AKAP9: variants seen among roughly 807,000 people sequenced by gnomAD.
AKAP9 encodes A-kinase anchor protein 9.
Under a neutral mutation model 488.5 loss-of-function variants are expected in AKAP9, and 311 were observed. The observed-to-expected ratio is 0.64, with a 90% CI of 0.58 to 0.70. AKAP9 has a LOEUF of 0.70. Among genes scored for constraint, AKAP9 ranks in the 30% least tolerant of loss-of-function variants. The pLI is 0.00. For synonymous variants in AKAP9, 1,462 were observed against 1,483.5 expected, an observed-to-expected ratio of 0.99 and a Z score of 0.33; for missense variants, 4,215 against 4,374.5, an observed-to-expected ratio of 0.96 and a Z score of 1.03.
At chr7:92,084,980 T>C (rs1563116396) in intron 35 of AKAP9, 40 bp downstream of exon 35, 1 of 1,605,716 alleles carries the variant, frequency 6.2e-7, no homozygotes, top group Non-Finnish European at 8.5e-7. Flanking sequence ...TCAGCCAGTG[T>C]TGTTTCTATG....
intron 29 of AKAP9, among the ~76,000 whole-genome samples, chr7:92,077,379 C>CCA (rs1277865423): frequency 6.6e-6 from 1 of 152,110 alleles, no homozygotes; most frequent in African/African-American, 2.4e-5. Flanking sequence ...GCGTGAGCCA[C>CCA]CACACCTGGC....
intron 8 of AKAP9, among the ~76,000 whole-genome samples, chr7:92,008,280 T>C (rs1488986151): frequency 2.6e-5 from 4 of 152,112 alleles, no homozygotes; most frequent in East Asian, 1.9e-4. Flanking sequence ...GGCAGGAGAA[T>C]TGATTGAACC....
chr7:91,952,224 G>C (rs759905758), intron 1 of AKAP9, among the ~76,000 whole-genome samples: 1 of 152,132 alleles, frequency 6.6e-6, no homozygotes, highest in Non-Finnish European at 1.5e-5. Context: ...AGTCAATCAC[G>C]ATACAATAAG....
intron 48 of AKAP9, 117 bp from the exon 49 acceptor site, chr7:92,108,377 A>C (rs1818869756): frequency 1.1e-6 from 1 of 942,830 alleles, no homozygotes; most frequent in African/African-American, 1.6e-5. Context: ...CTTGGAGGAG[A>C]TACATTATGT....
chr7:92,041,002 T>C, intron 18 of AKAP9, 104 bp downstream of exon 18: 1 of 934,430 alleles, frequency 1.1e-6, no homozygotes, highest in South Asian at 1.6e-5. Context: ...TATGTAGCCA[T>C]AATTTTTTTT....
chr7:92,099,441 G>A (rs1265318724), intron 43 of AKAP9, among the ~76,000 whole-genome samples: 2 of 152,148 alleles, frequency 1.3e-5, no homozygotes, highest in East Asian at 3.8e-4. Flanking sequence ...ATAAAGTGAA[G>A]CAATCTAGAC....
chr7:92,094,903 A>G, intron 39 of AKAP9, 120 bp from the exon 40 acceptor site: 1 of 779,052 alleles, frequency 1.3e-6, no homozygotes, highest in Non-Finnish European at 2.2e-6. Flanking sequence ...AATAGTTTAT[A>G]TTTTCCTCTT....
intron 18 of AKAP9, chr7:92,041,693 A>G (rs10225885): frequency 0.4 from 88,387 of 219,226 alleles, 18,384 homozygotes; most frequent in African/African-American, 0.46. Context: ...ATTCTTTCAA[A>G]CATAAAATAA....
intron 24 of AKAP9, chr7:92,063,400 TAGA>T: frequency 1.1e-6 from 1 of 918,342 alleles, no homozygotes; most frequent in Non-Finnish European, 1.3e-6. Context: ...TTTTAGGAAG[TAGA>T]AGACATATAA....
Position 92,089,540 on chromosome 7 carries a change from TG to T in AKAP9, c.9358+12del. 1 of 1,612,800 alleles carries T rather than the reference TG, an allele frequency of 6.2e-7. No homozygotes were observed. The highest frequency in any genetic ancestry group is 8.5e-7 in the Non-Finnish European group (1 of 1,179,242). Reference sequence around the variant, plus strand: ...AGAAACCAAGCCAAGGTATGTTGTATGACAAGCTCATATGGTTACACAAACA... The same window carrying T: ...AGAAACCAAGCCAAGGTATGTTGTATACAAGCTCATATGGTTACACAAACA... On this transcript the variant is annotated intron_variant, in intron 38 of 49. Coordinates refer to ENST00000356239, the MANE Select transcript of AKAP9 (RefSeq NM_005751.5).
intron 41 of AKAP9, 45 bp from the exon 42 acceptor site, chr7:92,097,541 G>T (rs367872902): frequency 1.3e-6 from 2 of 1,582,860 alleles, no homozygotes; most frequent in African/African-American, 2.7e-5. Context: ...GTGATATGCT[G>T]TTCACTTATA....
chr7:92,083,850 T>C (rs1814042364), intron 33 of AKAP9, among the ~76,000 whole-genome samples, 195 bp downstream of exon 33: 1 of 152,182 alleles, frequency 6.6e-6, no homozygotes, highest in Non-Finnish European at 1.5e-5. Context: ...TGTTATACTT[T>C]AAGTTCTGGG....
intron 26 of AKAP9, among the ~76,000 whole-genome samples, chr7:92,067,704 A>G (rs970960211): frequency 6.6e-6 from 1 of 152,204 alleles, no homozygotes. Flanking sequence ...GATTCACTGT[A>G]TGAATACCTA....
intron 14 of AKAP9, among the ~76,000 whole-genome samples, chr7:92,029,312 T>C (rs1024134757): frequency 5.3e-5 from 8 of 152,336 alleles, no homozygotes; most frequent in Non-Finnish European, 1.0e-4. Flanking sequence ...CCACCACTGC[T>C]CCTGACTGAG....
chr7:91,947,620 G>A (rs1356473496), intron 1 of AKAP9, among the ~76,000 whole-genome samples: 4 of 152,122 alleles, frequency 2.6e-5, no homozygotes, highest in South Asian at 2.1e-4. Context: ...GATTACAGGC[G>A]TGAGCAACCG....
chr7:91,982,422 A>G (rs566525563), intron 3 of AKAP9, among the ~76,000 whole-genome samples: 1 of 151,786 alleles, frequency 6.6e-6, no homozygotes, highest in South Asian at 2.1e-4. Flanking sequence ...ATTCCCACCT[A>G]TGAGTGAGAA....
In AKAP9 at chr7:92,084,641, G is replaced by T. The variant is rs1339555983; in HGVS notation, c.8648G>T (p.Gly2883Val). 5 of 1,605,130 alleles carry T rather than the reference G, an allele frequency of 3.1e-6. No individual in the cohort carries two copies. In the East Asian group the frequency reaches 6.7e-5, roughly 22 times the overall value. The stretch of plus-strand genomic sequence containing the variant: ...GTACTTTTTGTTTTCTCTAATTAGG[G>T]ATCCTCAATTCCTGAGCTAGCACAT... ...AVIQCLRSKE[G>V]SSIPELAHSD... The change falls in exon 34 of 50, where the codon GGA (glycine) becomes GTA (valine). Residue 2883 changes from glycine to valine, a missense_variant and splice_region_variant. Physicochemically the swap from Gly to Val is moderately radical, Grantham distance 109. Coordinates refer to ENST00000356239, the MANE Select transcript of AKAP9 (RefSeq NM_005751.5).
chr7:92,089,100 G>GTA (rs1815090734), intron 37 of AKAP9, among the ~76,000 whole-genome samples: 1 of 151,990 alleles, frequency 6.6e-6, no homozygotes, highest in South Asian at 2.1e-4. Flanking sequence ...AATAGGCTCT[G>GTA]TATATCACAT....
chr7:91,998,194 A>G (rs921128965), intron 7 of AKAP9, among the ~76,000 whole-genome samples: 6 of 152,122 alleles, frequency 3.9e-5, no homozygotes, highest in African/African-American at 1.2e-4. Context: ...CTCGCTGGTA[A>G]TGCTTGCTTA....
Sources: allele counts gnomAD v4.1 joint callset (sites outside exome capture counted in the v4.1 genomes callset), GRCh38; gene constraint gnomAD v4.1.1; transcripts MANE v1.5; gene names NCBI Gene and HGNC (gene_info 2026-07-23, HGNC 2026-07-21).